Variants in RAB11FIP4 observed in about 807,000 individuals in gnomAD.
RAB11FIP4 encodes the protein RAB11 family interacting protein 4.
RAB11FIP4 carries 23 observed loss-of-function variants against 74.3 expected under a neutral mutation model. That is an observed-to-expected ratio of 0.31 (90% CI 0.22 to 0.44). RAB11FIP4 has a LOEUF of 0.44. RAB11FIP4 is among the 20% of genes least tolerant of loss of function. The pLI is 1.00. For synonymous variants in RAB11FIP4, 360 were observed against 359.9 expected (o/e 1.00, Z 0.00); for missense variants, 630 against 863.9 (o/e 0.73, Z 3.39).
intron 3 of RAB11FIP4, among the ~76,000 whole-genome samples, chr17:31,507,564 T>G (rs1439256276): frequency 6.6e-6 from 1 of 152,218 alleles, no homozygotes; most frequent in Non-Finnish European, 1.5e-5. Context: ...GCTATTGAGT[T>G]GTTTGAGTTC....
At chr17:31,394,169 A>G (rs2070904998) in intron 1 of RAB11FIP4, among the ~76,000 whole-genome samples, 1 of 152,206 alleles carries the variant, frequency 6.6e-6, no homozygotes, top group Non-Finnish European at 1.5e-5. Flanking sequence ...AGGGACAAGC[A>G]AAATAAAAAG....
At chr17:31,506,665 A>G (rs1005972238) in intron 3 of RAB11FIP4, among the ~76,000 whole-genome samples, 1 of 152,026 alleles carries the variant, frequency 6.6e-6, no homozygotes, top group African/African-American at 2.4e-5. Context: ...GGCTTATTTC[A>G]CTTAACACAA....
At chr17:31,493,017 G>A (rs1471287383) in intron 3 of RAB11FIP4, among the ~76,000 whole-genome samples, 2 of 152,056 alleles carry the variant, frequency 1.3e-5, no homozygotes, top group African/African-American at 4.8e-5. Flanking sequence ...TCGTATGAAG[G>A]TCAGAGGGGT....
chr17:31,530,213 C>A (rs2072842708), intron 13 of RAB11FIP4, 113 bp from the exon 14 acceptor site: 2 of 1,373,764 alleles, frequency 1.5e-6, no homozygotes, highest in Non-Finnish European at 2.0e-6. Context: ...GTGACACACA[C>A]CTGTGGGAAT....
At chr17:31,490,821 C>T (rs1478729780) in intron 3 of RAB11FIP4, among the ~76,000 whole-genome samples, 2 of 152,216 alleles carry the variant, frequency 1.3e-5, no homozygotes, top group African/African-American at 2.4e-5. Flanking sequence ...CTTCCCAAAG[C>T]GCTGGGACTA....
chr17:31,534,110 G>C lies in RAB11FIP4; in HGVS notation c.*2378G>C, dbSNP rs2072919222. The C allele has an allele frequency of 1.3e-5, 2 of 152,232 alleles. No individual in the cohort carries two copies. The highest frequency in any genetic ancestry group is 4.8e-5 in the African/African-American group (2 of 41,452). The allele number at this position is 152,232 out of a possible 1,614,324, so 9.4% of individuals were successfully genotyped here. Reference sequence around the variant, plus strand: ...GCCCCTGGCAGATCCCAGACCCCTTGGTGGCAGGTCCCAGAGCCTAGGTGG... The same window carrying C: ...GCCCCTGGCAGATCCCAGACCCCTTCGTGGCAGGTCCCAGAGCCTAGGTGG... On this transcript the variant is annotated 3_prime_UTR_variant, in exon 15 of 15. Coordinates refer to ENST00000621161, the MANE Select transcript of RAB11FIP4 (RefSeq NM_032932.6).
intron 3 of RAB11FIP4, among the ~76,000 whole-genome samples, chr17:31,515,384 G>T (rs775446812): frequency 1.7e-4 from 25 of 151,404 alleles, no homozygotes; most frequent in Non-Finnish European, 2.7e-4. Flanking sequence ...TGCCCGGCTC[G>T]CTGGTGTACG....
At chr17:31,497,272 G>T (rs1204366233) in intron 3 of RAB11FIP4, among the ~76,000 whole-genome samples, 1 of 152,158 alleles carries the variant, frequency 6.6e-6, no homozygotes, top group Non-Finnish European at 1.5e-5. Context: ...GCTGAGGCAG[G>T]AGAATCGCTG....
chr17:31,458,681 T>C (rs1424431843), intron 3 of RAB11FIP4, among the ~76,000 whole-genome samples: 1 of 152,188 alleles, frequency 6.6e-6, no homozygotes, highest in Non-Finnish European at 1.5e-5. Flanking sequence ...CCTCTGGGCC[T>C]CCCAGCACAG....
intron 1 of RAB11FIP4, among the ~76,000 whole-genome samples, chr17:31,408,693 C>T (rs572530757): frequency 2.8e-4 from 43 of 152,222 alleles, no homozygotes; most frequent in African/African-American, 8.9e-4. Context: ...AGATGGGAGC[C>T]GCCAGCATTT....
chr17:31,480,793 CAAAAAAAA>C (rs36097331), intron 3 of RAB11FIP4, among the ~76,000 whole-genome samples: 2 of 73,842 alleles, frequency 2.7e-5, no homozygotes, highest in Non-Finnish European at 5.2e-5. Context: ...GACTCCGTCT[CAAAAAAAA>C]AAAAAAAAAA....
chr17:31,506,422 A>G (rs964663265), intron 3 of RAB11FIP4, among the ~76,000 whole-genome samples: 14 of 152,214 alleles, frequency 9.2e-5, no homozygotes, highest in Non-Finnish European at 1.8e-4. Context: ...TCTTCTAGCT[A>G]TTTTTAAATA....
intron 1 of RAB11FIP4, among the ~76,000 whole-genome samples, chr17:31,417,947 C>G (rs536426661): frequency 4.6e-5 from 7 of 152,178 alleles, no homozygotes; most frequent in African/African-American, 1.7e-4. Flanking sequence ...AAAAATTAGC[C>G]AGGTGTAGTG....
At chr17:31,436,471 C>T (rs1164176426) in intron 3 of RAB11FIP4, among the ~76,000 whole-genome samples, 1 of 152,168 alleles carries the variant, frequency 6.6e-6, no homozygotes, top group Non-Finnish European at 1.5e-5. Context: ...TGACGTGTTC[C>T]CTGTAGTCTT....
rs1218025322 is a variant in RAB11FIP4 at position 31,505,541 on chromosome 17, ATATTATATATAATAATAAT to A, written c.337-12106_337-12088del. On this transcript the variant is annotated intron_variant, in intron 3 of 14. Coordinates refer to ENST00000621161, the MANE Select transcript of RAB11FIP4 (RefSeq NM_032932.6). Reference sequence around the variant, plus strand: ...ATTATATATTATATATAATTATTATATATTATATATAATAATAATTATAATATATAATAATATATAATAA... The same window carrying A: ...ATTATATATTATATATAATTATTATATATAATATATAATAATATATAATAA... 2.0e-4 allele frequency among the ~76,000 whole-genome samples: 13 copies of A among 66,522 alleles called. 1 individual carries two copies. Among genetic ancestry groups the A allele is most frequent in the African/African-American group, 7.6e-4 (13 of 17,130 alleles). 43.6% of individuals were successfully genotyped at this position (66,522 alleles called of 152,430 possible). A position where few individuals can be genotyped will look rare whatever the true frequency, so the allele number is the denominator to read the frequency against.
At chr17:31,470,340 C>G (rs535987096) in intron 3 of RAB11FIP4, among the ~76,000 whole-genome samples, 1 of 152,168 alleles carries the variant, frequency 6.6e-6, no homozygotes, top group Non-Finnish European at 1.5e-5. Context: ...TGCTCTACCC[C>G]CTGGCACATT....
At chr17:31,502,239 T>C (rs1298524817) in intron 3 of RAB11FIP4, among the ~76,000 whole-genome samples, 2 of 149,816 alleles carry the variant, frequency 1.3e-5, no homozygotes, top group African/African-American at 2.5e-5. Context: ...AAAAAAAAAT[T>C]GTAAGTCAAA....
intron 3 of RAB11FIP4, among the ~76,000 whole-genome samples, chr17:31,508,010 T>C (rs2072385099): frequency 6.6e-6 from 1 of 152,076 alleles, no homozygotes; most frequent in African/African-American, 2.4e-5. Flanking sequence ...GTATTTTTTG[T>C]AGAGATAGGG....
At position 31,517,882 on chromosome 17, in the gene RAB11FIP4, G is replaced by A; in HGVS notation, c.563+5G>A. 1 of 1,549,898 alleles carries A rather than the reference G, an allele frequency of 6.5e-7. No individual in the cohort carries two copies. On this transcript the variant is annotated splice_donor_5th_base_variant and intron_variant, in intron 4 of 14. Coordinates refer to ENST00000621161, the MANE Select transcript of RAB11FIP4 (RefSeq NM_032932.6). ...CCTGTTTCTGCCAGAAGACAAGTGA[G>A]TTAAAACCACCTGAAGCTCCATATT... is the stretch of plus-strand genomic sequence containing the variant.
Sources: gnomAD v4.1 joint callset for allele counts (sites outside exome capture counted in the v4.1 genomes callset) on GRCh38, gnomAD v4.1.1 for gene constraint, MANE v1.5 for transcripts, NCBI Gene and HGNC (gene_info 2026-07-23, HGNC 2026-07-21) for gene names.